RAP1B: variants seen among roughly 807,000 people sequenced by gnomAD.
RAP1B encodes ras-related protein Rap-1b.
RAP1B carries 1 observed loss-of-function variant against 27.5 expected under a neutral mutation model. The ratio of observed to expected loss-of-function variants is 0.04; its 90% CI spans 0.01 to 0.17. The LOEUF (loss-of-function observed/expected upper bound fraction) is 0.17, where lower values mean the gene tolerates loss of function less well. Among genes scored for constraint, RAP1B ranks in the 10% least tolerant of loss-of-function variants. RAP1B has a pLI of 1.00. For synonymous variants in RAP1B, 75 were observed against 73.1 expected (o/e 1.03, Z -0.13); for missense variants, 84 against 214.8 (o/e 0.39, Z 3.81).
intron 1 of RAP1B, among the ~76,000 whole-genome samples, chr12:68,611,947 C>G (rs1870630185): frequency 1.3e-5 from 2 of 152,170 alleles, no homozygotes; most frequent in Admixed American, 1.3e-4. Context: ...GAGAAAAGAT[C>G]ATTTTTGCAA....
chr12:68,644,116 T>C (rs1281080146), intron 1 of RAP1B, among the ~76,000 whole-genome samples: 1 of 152,204 alleles, frequency 6.6e-6, no homozygotes, highest in Non-Finnish European at 1.5e-5. Context: ...TCAGAGACAA[T>C]GCCAATATTA....
Position 68,667,126 on chromosome 12 carries a change from T to C in RAP1B, c.*7877T>C, listed in dbSNP as rs1321069664. 1 of 152,182 alleles carries C rather than the reference T, an allele frequency of 6.6e-6. No individual in the cohort carries two copies. Among genetic ancestry groups the C allele is most frequent in the Non-Finnish European group, 1.5e-5 (1 of 68,024 alleles). The allele number at this position is 152,182 out of a possible 1,614,324, so 9.4% of individuals were successfully genotyped here. A position where few individuals can be genotyped will look rare whatever the true frequency, so the allele number is the denominator to read the frequency against. ...CCCTTTTACTTAGATCTAATAGTAA[T>C]ATAACAAACTTTTCTTTTTCATTTT... On this transcript the variant is annotated 3_prime_UTR_variant, in exon 8 of 8. Coordinates refer to ENST00000250559, the MANE Select transcript of RAP1B (RefSeq NM_001010942.3).
intron 1 of RAP1B, among the ~76,000 whole-genome samples, chr12:68,645,806 A>G (rs1413885389): frequency 6.6e-6 from 1 of 152,232 alleles, no homozygotes; most frequent in East Asian, 1.9e-4. Context: ...ATACTGATTC[A>G]AATCTTGACT....
intron 1 of RAP1B, among the ~76,000 whole-genome samples, chr12:68,632,926 A>G (rs939610756): frequency 1.3e-5 from 2 of 152,200 alleles, no homozygotes; most frequent in African/African-American, 4.8e-5. Flanking sequence ...CACTCAAGCA[A>G]GACTGAAGTA....
intron 1 of RAP1B, among the ~76,000 whole-genome samples, chr12:68,615,214 GA>G (rs1248632511): frequency 2.0e-5 from 3 of 152,040 alleles, no homozygotes; most frequent in African/African-American, 4.8e-5. Context: ...AATTTAGAAA[GA>G]TTTTTTTTCC....
chr12:68,658,259 T>C (rs1456802952), intron 7 of RAP1B, among the ~76,000 whole-genome samples: 1 of 152,236 alleles, frequency 6.6e-6, no homozygotes, highest in Non-Finnish European at 1.5e-5. Flanking sequence ...GGGCTTTCTG[T>C]TTAGTGGTAT....
chr12:68,615,754 T>C (rs564827680), intron 1 of RAP1B, among the ~76,000 whole-genome samples: 3 of 152,162 alleles, frequency 2.0e-5, no homozygotes, highest in Non-Finnish European at 4.4e-5. Flanking sequence ...TTTTACTTTA[T>C]GTTTTTGTAG....
At chr12:68,631,143 A>G (rs1297192001) in intron 1 of RAP1B, among the ~76,000 whole-genome samples, 2 of 152,104 alleles carry the variant, frequency 1.3e-5, no homozygotes, top group Non-Finnish European at 2.9e-5. Flanking sequence ...TCCTGTTATA[A>G]AAAATAGGGA....
At chr12:68,652,207 A>G (rs1304715542) in intron 4 of RAP1B, among the ~76,000 whole-genome samples, 156 bp downstream of exon 4, 1 of 152,192 alleles carries the variant, frequency 6.6e-6, no homozygotes, top group African/African-American at 2.4e-5. Flanking sequence ...GCACTTCGGG[A>G]GGTCAAGGTT....
intron 1 of RAP1B, chr12:68,626,968 C>T: frequency 6.5e-7 from 1 of 1,527,622 alleles, no homozygotes; most frequent in Non-Finnish European, 9.0e-7. Context: ...GTCACCATGT[C>T]TTCAAACTCA....
chr12:68,627,203 A>G (rs1430145840), intron 1 of RAP1B: 36 of 1,518,978 alleles, frequency 2.4e-5, no homozygotes, highest in Non-Finnish European at 3.2e-5. Context: ...GGGGTAGTGC[A>G]AGGTCAGAAA....
chr12:68,627,171 A>G (rs1053453286), intron 1 of RAP1B: 4 of 1,559,444 alleles, frequency 2.6e-6, no homozygotes, highest in East Asian at 4.5e-5. Context: ...GGCACCTCGC[A>G]TGCCTGTTTG....
chr12:68,629,814 TCAG>T (rs1872105592), intron 1 of RAP1B, among the ~76,000 whole-genome samples: 1 of 152,220 alleles, frequency 6.6e-6, no homozygotes, highest in Non-Finnish European at 1.5e-5. Flanking sequence ...TAGACAGACT[TCAG>T]CATTCAGCAC....
At chr12:68,640,516 TATA>T (rs1872925528) in intron 1 of RAP1B, among the ~76,000 whole-genome samples, 3 of 152,204 alleles carry the variant, frequency 2.0e-5, no homozygotes, top group Non-Finnish European at 4.4e-5. Flanking sequence ...ATTGCTGTAT[TATA>T]GTAGTGTTAA....
At position 68,634,912 on chromosome 12, in the gene RAP1B, G is replaced by C. The variant is rs535676577; in HGVS notation, c.-26-13787G>C. 4.1e-4 allele frequency among the ~76,000 whole-genome samples: 63 copies of C among 152,228 alleles called. 1 individual carries two copies. In the South Asian group the frequency reaches 6.0e-3, roughly 15 times the overall value. On this transcript the variant is annotated intron_variant, in intron 1 of 7. Coordinates refer to ENST00000250559, the MANE Select transcript of RAP1B (RefSeq NM_001010942.3). ...CTAGCAGTATTAATCCATGAAAAGG[G>C]CAAGGGAATTTTTTTCTTTCTTGAG...
At chr12:68,625,914 CTG>C (rs1305571920) in intron 1 of RAP1B, among the ~76,000 whole-genome samples, 1 of 148,370 alleles carries the variant, frequency 6.7e-6, no homozygotes, top group Non-Finnish European at 1.5e-5. Flanking sequence ...GAGCGAGACT[CTG>C]TCTCAAAAAA....
At chr12:68,640,115 A>G (rs1407175453) in intron 1 of RAP1B, among the ~76,000 whole-genome samples, 1 of 152,184 alleles carries the variant, frequency 6.6e-6, no homozygotes, top group African/African-American at 2.4e-5. Context: ...CTGGGATTAC[A>G]GGCATGAGCC....
chr12:68,631,586 CCAGT>C (rs1565662582), intron 1 of RAP1B, among the ~76,000 whole-genome samples: 1 of 152,166 alleles, frequency 6.6e-6, no homozygotes, highest in Non-Finnish European at 1.5e-5. Flanking sequence ...GCCCTGTGAG[CCAGT>C]CAGACTGCTT....
Position 68,656,462 on chromosome 12 carries a change from A to G in RAP1B, c.468+13A>G. Reference sequence around the variant, plus strand: ...AAATGTTAATGAGGTATGGTCAAATATACTTAAAATGGGTCTTCATTTGAA... The same window carrying G: ...AAATGTTAATGAGGTATGGTCAAATGTACTTAAAATGGGTCTTCATTTGAA... On this transcript the variant is annotated intron_variant, in intron 6 of 7. Transcript: ENST00000250559. The G allele has an allele frequency of 1.3e-6, 2 of 1,598,300 alleles. No homozygotes were observed. Among genetic ancestry groups the G allele is most frequent in the South Asian group, 1.1e-5 (1 of 90,680 alleles).
Sources: gnomAD v4.1 joint callset for allele counts (sites outside exome capture counted in the v4.1 genomes callset) on GRCh38, gnomAD v4.1.1 for gene constraint, MANE v1.5 for transcripts, NCBI Gene and HGNC (gene_info 2026-07-23, HGNC 2026-07-21) for gene names.